Variants in PCDHGA3 observed in about 807,000 individuals in gnomAD.
PCDHGA3 encodes the protein protocadherin gamma subfamily A, 3, also known as protocadherin gamma-A3.
PCDHGA3 carries 40 observed loss-of-function variants against 58.5 expected under a neutral mutation model. The ratio of observed to expected loss-of-function variants is 0.68; its 90% CI spans 0.53 to 0.89. The LOEUF (loss-of-function observed/expected upper bound fraction) is 0.89, where lower values mean the gene tolerates loss of function less well. PCDHGA3 is among the 40% of genes least tolerant of loss of function. The pLI, the probability that PCDHGA3 is intolerant of heterozygous loss-of-function variation, is 0.00. For missense variants in PCDHGA3, 1,223 were observed against 1,195.9 expected, an observed-to-expected ratio of 1.02 and a Z score of -0.33; for synonymous variants, 530 against 525.7, an observed-to-expected ratio of 1.01 and a Z score of -0.11.
At position 141,476,001 on chromosome 5, in the gene PCDHGA3, C is replaced by A. The variant is rs989369008; in HGVS notation, c.2425-18806C>A. On this transcript the variant is annotated intron_variant, in intron 1 of 3. Coordinates refer to ENST00000253812, the MANE Select transcript of PCDHGA3 (RefSeq NM_018916.4). This position sits in a 1 kb window ranked among gnomAD's most constrained non-coding sequence, Gnocchi z 7.6. ...CAGCCGGCGAGCAAATCAACGGCAT[C>A]CAGAAAGCCATGTCGGACTCGGCGC... The A allele has an allele frequency of 5.7e-5, 70 of 1,235,226 alleles. No homozygotes were observed. In the Middle Eastern group the frequency reaches 8.6e-4, roughly 15 times the overall value. The allele number at this position is 1,235,226 out of a possible 1,614,324, so 76.5% of individuals were successfully genotyped here. A position where few individuals can be genotyped will look rare whatever the true frequency, so the allele number is the denominator to read the frequency against.
chr5:141,393,118 G>C (rs1254219994), intron 1 of PCDHGA3: 31 of 1,613,354 alleles, frequency 1.9e-5, no homozygotes, highest in Non-Finnish European at 2.5e-5. Flanking sequence ...AGCCCGCGGT[G>C]TCTGATAAAT....
chr5:141,346,530 T>G, intron 1 of PCDHGA3, 73 bp downstream of exon 1: 1 of 1,573,352 alleles, frequency 6.4e-7, no homozygotes, highest in East Asian at 2.3e-5. Flanking sequence ...TTAACACATA[T>G]GTATTTGAGA....
chr5:141,383,143 G>A (rs371358932), intron 1 of PCDHGA3: 2 of 1,613,972 alleles, frequency 1.2e-6, no homozygotes, highest in Non-Finnish European at 8.5e-7. Context: ...CCAGCGCAGC[G>A]GCAGCTTGGT....
intron 1 of PCDHGA3, chr5:141,362,629 G>C: frequency 1.3e-6 from 2 of 1,492,810 alleles, no homozygotes; most frequent in Non-Finnish European, 1.8e-6. Flanking sequence ...GTTCCACTGC[G>C]TATTTCTTTG....
chr5:141,420,789 C>G (rs1403213574), intron 1 of PCDHGA3, among the ~76,000 whole-genome samples: 2 of 152,198 alleles, frequency 1.3e-5, no homozygotes, highest in Non-Finnish European at 2.9e-5. Flanking sequence ...ATTTTGAAAA[C>G]TTTTTAAAAA....
At position 141,345,293 on chromosome 5, in the gene PCDHGA3, T is replaced by G. The variant is rs1162429257; in HGVS notation, c.1260T>G (p.Ile420Met). ...GCGAACAAATATCAGAATATAACAT[T>G]AGTCTGAGAGCCTCAGATGGGGGAA... ...LDREQISEYN[I>M]SLRASDGGSP... The change falls in exon 1 of 4, where the codon ATT becomes ATG. Residue 420 changes from isoleucine to methionine, a missense_variant. By Grantham distance (10) the Ile-to-Met change is conservative. Around this residue, in one of 3 missense-constraint regions of PCDHGA3, gnomAD observed 791 missense variants for 708.5 expected, o/e 1.12. Transcript: ENST00000253812. 6.2e-7 allele frequency: 1 copy of G among 1,613,926 alleles called. No homozygotes were observed. The highest frequency in any genetic ancestry group is 8.5e-7 in the Non-Finnish European group (1 of 1,179,878).
In PCDHGA3 at chr5:141,345,577, A is replaced by G; in HGVS notation, c.1544A>G (p.Tyr515Cys). The G allele has an allele frequency of 6.2e-7, 1 of 1,614,160 alleles. No homozygotes were observed. Among genetic ancestry groups the G allele is most frequent in the Non-Finnish European group, 8.5e-7 (1 of 1,180,024 alleles). ...ATCAACTCCAACACTGGCGTCCTAT[A>G]CGCGCTGAGATCCTTCGACTACGAG... is the stretch of plus-strand genomic sequence containing the variant. ...VSINSNTGVL[Y>C]ALRSFDYEQF... Residue 515 changes from tyrosine to cysteine, a missense_variant, in exon 1 of 4, where the codon TAC becomes TGC. By Grantham distance (194) the Tyr-to-Cys change is radical. This residue lies in a region of PCDHGA3 where 791 missense variants were observed against 708.5 expected (regional missense o/e 1.12). Transcript: ENST00000253812.
rs559636619 is a variant in PCDHGA3 at position 141,371,768 on chromosome 5, C to A, written c.2424+25311C>A. ...CCGTTTTCCACCAGGCCTCCTACAC[C>A]GTGCATGTAGCTGAGAACAATCCGC... On this transcript the variant is annotated intron_variant, in intron 1 of 3. Coordinates refer to ENST00000253812, the MANE Select transcript of PCDHGA3 (RefSeq NM_018916.4). 6.8e-6 allele frequency: 11 copies of A among 1,614,032 alleles called. No homozygotes were observed. The South Asian group carries it at 7.7e-5, about 11-fold the overall frequency.
At chr5:141,368,306 T>C (rs1456479805) in intron 1 of PCDHGA3, among the ~76,000 whole-genome samples, 1 of 152,130 alleles carries the variant, frequency 6.6e-6, no homozygotes, top group African/African-American at 2.4e-5. Context: ...TTAAACACTG[T>C]TAAAGAGCAT....
At chr5:141,423,256 G>A (rs751894091) in intron 1 of PCDHGA3, 3 of 1,613,816 alleles carry the variant, frequency 1.9e-6, no homozygotes, top group South Asian at 2.2e-5. Context: ...GGCGGACCTC[G>A]GCAGCCTCGA....
chr5:141,383,368 G>C, intron 1 of PCDHGA3: 1 of 1,614,014 alleles, frequency 6.2e-7, no homozygotes, highest in Middle Eastern at 1.6e-4. Context: ...GTTAAGCGAG[G>C]CTGGGGATCC....
Position 141,405,325 on chromosome 5 carries a change from G to C in PCDHGA3, c.2424+58868G>C, listed in dbSNP as rs17097274. ...AGAGCTGTGAGAAAAATGAGCCTTT[G>C]TGCGTCTCTGTTGATTCCAAGTTTC... On this transcript the variant is annotated intron_variant, in intron 1 of 3. Transcript: ENST00000253812. The C allele has an allele frequency of 9.4e-4, 1,513 of 1,614,170 alleles. 9 individuals are homozygous for C. The African/African-American group carries it at 0.016, about 17-fold the overall frequency.
intron 1 of PCDHGA3, chr5:141,361,004 A>C (rs907175903): frequency 1.2e-6 from 2 of 1,613,282 alleles, no homozygotes; most frequent in African/African-American, 1.3e-5. Flanking sequence ...CAAGTGAAAC[A>C]CTTTTTCAAC....
intron 1 of PCDHGA3, among the ~76,000 whole-genome samples, chr5:141,346,979 T>C (rs1295799375): frequency 1.3e-5 from 2 of 152,026 alleles, no homozygotes; most frequent in African/African-American, 4.8e-5. Context: ...CCAAGACAGG[T>C]GACACTCTTT....
intron 1 of PCDHGA3, chr5:141,415,556 CTT>C: frequency 6.2e-7 from 1 of 1,614,078 alleles, no homozygotes; most frequent in Non-Finnish European, 8.5e-7. Context: ...AAAAACGATC[CTT>C]TGTCTTTGTT....
intron 1 of PCDHGA3, chr5:141,426,609 G>A (rs1026143678): frequency 5.2e-6 from 2 of 382,862 alleles, no homozygotes; most frequent in African/African-American, 4.2e-5. Flanking sequence ...AGAGATTGTA[G>A]CAGAGAATCC....
At chr5:141,399,742 A>G in intron 1 of PCDHGA3, 14 of 1,613,320 alleles carry the variant, frequency 8.7e-6, no homozygotes, top group Non-Finnish European at 1.2e-5. Flanking sequence ...GCCTGCGCTC[A>G]GCGCAAACGT....
Position 141,375,504 on chromosome 5 carries a change from T to A in PCDHGA3, c.2424+29047T>A. The A allele has an allele frequency of 2.5e-6, 4 of 1,614,004 alleles. No homozygotes were observed. The South Asian group carries it at 4.4e-5, about 18-fold the overall frequency. ...CCCAGGGGTGCCTCCATCTTCTCTG[T>A]GAATGCACTGGACCCTGACGTGGAC... On this transcript the variant is annotated intron_variant, in intron 1 of 3. Coordinates refer to ENST00000253812, the MANE Select transcript of PCDHGA3 (RefSeq NM_018916.4).
rs1758904827 is a variant in PCDHGA3 at position 141,352,057 on chromosome 5, G to A, written c.2424+5600G>A. 5 of 1,606,652 alleles carry A rather than the reference G, an allele frequency of 3.1e-6. No individual in the cohort carries two copies. In the African/African-American group the frequency reaches 4.0e-5, roughly 13 times the overall value. On this transcript the variant is annotated intron_variant, in intron 1 of 3. Coordinates refer to ENST00000253812, the MANE Select transcript of PCDHGA3 (RefSeq NM_018916.4). ...ACGCAGACTCAGGACACAACGCTTG[G>A]CTGTCCTACCACGTGCTGCAGGCCA... is the stretch of plus-strand genomic sequence containing the variant.
Sources: allele counts gnomAD v4.1 joint callset (sites outside exome capture counted in the v4.1 genomes callset), GRCh38; gene constraint gnomAD v4.1.1; regional missense constraint gnomAD v4.1.1; non-coding constraint Gnocchi (gnomAD v3.1); transcripts MANE v1.5; gene names NCBI Gene and HGNC (gene_info 2026-07-23, HGNC 2026-07-21).